Variants in NPY2R observed in about 807,000 individuals in gnomAD.
NPY2R encodes the protein neuropeptide Y receptor Y2.
A neutral mutation model predicts 22.3 loss-of-function variants in NPY2R; 17 were observed. That is an observed-to-expected ratio of 0.76 (90% CI 0.52 to 1.14). The LOEUF (loss-of-function observed/expected upper bound fraction) is 1.14, where lower values mean the gene tolerates loss of function less well. Among genes scored for constraint, NPY2R ranks in the 50% most tolerant of loss-of-function variants. NPY2R has a pLI of 0.00. For synonymous variants in NPY2R, 209 were observed against 183.4 expected (o/e 1.14, Z -1.13); for missense variants, 424 against 467.9 (o/e 0.91, Z 0.87).
At chr4:155,180,010 TTTG>T in the NPY2R span, among the ~76,000 whole-genome samples, 12 of 95,580 alleles carry the variant, frequency 1.3e-4, no homozygotes, top group Admixed American at 3.9e-4. Context: ...TATATTTTAT[TTTG>T]TTTTTTTTTT....
chr4:155,216,220 A>G lies in NPY2R; in HGVS notation c.*1135A>G, dbSNP rs546343028. On this transcript the variant is annotated 3_prime_UTR_variant, in exon 2 of 2. Coordinates refer to ENST00000329476, the MANE Select transcript of NPY2R (RefSeq NM_000910.4). ...ATGTTGTATTTCAAACCAGTTTCAC[A>G]TAAGTTATTTGTCTTCTTTTCAAAA... The G allele has an allele frequency of 6.0e-6, 1 of 167,154 alleles. No homozygotes were observed. The highest frequency in any genetic ancestry group is 1.5e-5 in the Non-Finnish European group (1 of 68,066). 10.4% of individuals were successfully genotyped at this position (167,154 alleles called of 1,614,324 possible).
chr4:155,205,777 T>TA, upstream of NPY2R, among the ~76,000 whole-genome samples: 1 of 152,114 alleles, frequency 6.6e-6, no homozygotes, highest in East Asian at 1.9e-4. Flanking sequence ...CATGTTACAA[T>TA]ATTGGAGGCC....
the NPY2R span, among the ~76,000 whole-genome samples, chr4:155,185,890 G>A: frequency 8.3e-6 from 1 of 121,102 alleles, no homozygotes; most frequent in Non-Finnish European, 1.7e-5. Context: ...TCAGGGGTGA[G>A]TGAAATGTGT....
chr4:155,210,762 A>ATGTCTCTCTGTAT (rs1400663142), intron 1 of NPY2R, among the ~76,000 whole-genome samples: 1 of 152,166 alleles, frequency 6.6e-6, no homozygotes, highest in Non-Finnish European at 1.5e-5. Context: ...GGAAACTCTC[A>ATGTCTCTCTGTAT]TGTCTCTCTG....
the NPY2R span, among the ~76,000 whole-genome samples, chr4:155,190,819 T>A: frequency 2.0e-5 from 3 of 151,912 alleles, no homozygotes; most frequent in Non-Finnish European, 4.4e-5. Context: ...TATCCAAGCA[T>A]CTTTCTTACT....
rs1019047968 is a variant in NPY2R at position 155,209,017 on chromosome 4, G to T, written c.-101G>T. ...TCGGCTGGCTAATCATCGGACAGAC[G>T]GACTGCACACATCTTGTTTCCGCGT... On this transcript the variant is annotated 5_prime_UTR_variant, in exon 1 of 2. Coordinates refer to ENST00000329476, the MANE Select transcript of NPY2R (RefSeq NM_000910.4). The T allele has an allele frequency of 1.3e-5, 2 of 152,336 alleles. No homozygotes were observed. Among genetic ancestry groups the T allele is most frequent in the Non-Finnish European group, 2.9e-5 (2 of 68,172 alleles). 9.4% of individuals were successfully genotyped at this position (152,336 alleles called of 1,614,324 possible).
the NPY2R span, among the ~76,000 whole-genome samples, chr4:155,191,292 A>T: frequency 6.6e-6 from 1 of 151,888 alleles, no homozygotes; most frequent in Non-Finnish European, 1.5e-5. Context: ...TTTCAGGTGA[A>T]GTGAGGACCA....
the NPY2R span, among the ~76,000 whole-genome samples, chr4:155,200,904 G>T: frequency 1.3e-5 from 2 of 152,168 alleles, no homozygotes; most frequent in African/African-American, 2.4e-5. Flanking sequence ...GCTAATGCAC[G>T]TGGGGCTTAA....
rs1281360790 is a variant in NPY2R at position 155,216,606 on chromosome 4, A to T, written c.*1521A>T. ...TACTTTGTGGATATATTTAAAATTC[A>T]TATTATAGCTCCTATTAAATTCCTT... is the stretch of plus-strand genomic sequence containing the variant. On this transcript the variant is annotated 3_prime_UTR_variant, in exon 2 of 2. Transcript: ENST00000329476. 2 of 166,968 alleles carry T rather than the reference A, an allele frequency of 1.2e-5. No individual in the cohort carries two copies. The highest frequency in any genetic ancestry group is 4.8e-5 in the African/African-American group (2 of 41,464). 10.3% of individuals were successfully genotyped at this position (166,968 alleles called of 1,614,324 possible).
the NPY2R span, among the ~76,000 whole-genome samples, chr4:155,177,458 T>G: frequency 6.6e-6 from 1 of 152,006 alleles, no homozygotes; most frequent in Admixed American, 6.6e-5. Flanking sequence ...TTTGACTCCA[T>G]GTCGAACCTC....
chr4:155,197,294 A>G, the NPY2R span, among the ~76,000 whole-genome samples: 1 of 152,030 alleles, frequency 6.6e-6, no homozygotes, highest in East Asian at 1.9e-4. Flanking sequence ...ATGAATGACT[A>G]TTAAATTATT....
At chr4:155,197,969 C>T in the NPY2R span, among the ~76,000 whole-genome samples, 1 of 152,052 alleles carries the variant, frequency 6.6e-6, no homozygotes, top group African/African-American at 2.4e-5. Context: ...CTCATTTCCT[C>T]TTCCTCTCTG....
chr4:155,191,383 C>T, the NPY2R span, among the ~76,000 whole-genome samples: 3 of 151,996 alleles, frequency 2.0e-5, no homozygotes, highest in South Asian at 4.1e-4. Flanking sequence ...ACCTTACCAC[C>T]TAAATGTAAT....
chr4:155,182,573 C>T, the NPY2R span, among the ~76,000 whole-genome samples: 7 of 152,116 alleles, frequency 4.6e-5, no homozygotes, highest in Admixed American at 4.6e-4. Flanking sequence ...CTATGCAGAG[C>T]CTCTCTCAGG....
the NPY2R span, among the ~76,000 whole-genome samples, chr4:155,179,151 C>T: frequency 6.6e-6 from 1 of 151,978 alleles, no homozygotes; most frequent in South Asian, 2.1e-4. Flanking sequence ...TTAATGTTTC[C>T]AATGACAACC....
At chr4:155,174,431 C>T in the NPY2R span, 1 of 139,878 alleles carries the variant, frequency 7.1e-6, no homozygotes, top group African/African-American at 2.9e-5. Flanking sequence ...GATATTTGGA[C>T]AAGGAAATTT....
rs751689027 is a variant in NPY2R at position 155,214,965 on chromosome 4, T to C, written c.1026T>C (p.Cys342=). 2.5e-6 allele frequency: 4 copies of C among 1,614,150 alleles called. No individual in the cohort carries two copies. The highest frequency in any genetic ancestry group is 3.4e-6 in the Non-Finnish European group (4 of 1,179,964). The stretch of plus-strand genomic sequence containing the variant: ...AGGCTTTCCTCTCGGCCTTCCGCTG[T>C]GAGCAGCGGTTGGATGCCATTCACT... ...YRKAFLSAFR[C]EQRLDAIHSE... The change falls in exon 2 of 2, where the codon TGT becomes TGC. Residue 342 remains cysteine, a synonymous_variant. Transcript: ENST00000329476.
At chr4:155,180,684 A>G in the NPY2R span, among the ~76,000 whole-genome samples, 139 of 151,758 alleles carry the variant, frequency 9.2e-4, no homozygotes, top group Non-Finnish European at 1.7e-3. Flanking sequence ...TTTGATGACT[A>G]TTTTTTCTTT....
At chr4:155,188,838 A>C in the NPY2R span, among the ~76,000 whole-genome samples, 1 of 152,176 alleles carries the variant, frequency 6.6e-6, no homozygotes, top group Admixed American at 6.6e-5. Context: ...TAGCCTTGTG[A>C]GATATCCTGA....
Sources: gnomAD v4.1 joint callset for allele counts (sites outside exome capture counted in the v4.1 genomes callset) on GRCh38, gnomAD v4.1.1 for gene constraint, MANE v1.5 for transcripts, NCBI Gene and HGNC (gene_info 2026-07-23, HGNC 2026-07-21) for gene names.